Variants in ANKRD17 observed in about 807,000 individuals in gnomAD.
The protein encoded by ANKRD17 is ankyrin repeat domain-containing protein 17.
Under a neutral mutation model 229.7 loss-of-function variants are expected in ANKRD17, and 19 were observed. The observed-to-expected ratio is 0.08, with a 90% CI of 0.06 to 0.12. The LOEUF is 0.12. Ranked by LOEUF, ANKRD17 falls within the 10% of genes least tolerant of loss-of-function variation. The pLI is 1.00. For missense variants in ANKRD17, 2,176 were observed against 3,176.8 expected (o/e 0.68, Z 7.57); for synonymous variants, 1,112 against 1,146.1 (o/e 0.97, Z 0.60).
intron 2 of ANKRD17, among the ~76,000 whole-genome samples, chr4:73,174,093 AGAAGGAAGGAAGGAAGGAAGGAAG>A (rs71217453): frequency 1.1e-4 from 12 of 111,304 alleles, no homozygotes; most frequent in Non-Finnish European, 1.9e-4. Flanking sequence ...AAGGGAGGGG[AGAAGGAAGGAAGGAAGGAAGGAAG>A]GAAGGAAGGA....
intron 1 of ANKRD17, among the ~76,000 whole-genome samples, chr4:73,244,438 T>A (rs1264595577): frequency 2.0e-5 from 3 of 152,154 alleles, no homozygotes; most frequent in African/African-American, 4.8e-5. Context: ...ACTAGCTACA[T>A]GTAATATTTA....
intron 1 of ANKRD17, among the ~76,000 whole-genome samples, chr4:73,242,843 C>A (rs1744166620): frequency 6.6e-6 from 1 of 152,160 alleles, no homozygotes; most frequent in Admixed American, 6.5e-5. Flanking sequence ...AAGAAACAGA[C>A]ATAAGAGTTT....
intron 1 of ANKRD17, among the ~76,000 whole-genome samples, chr4:73,205,852 G>A (rs1251278419): frequency 6.6e-6 from 1 of 152,124 alleles, no homozygotes; most frequent in Non-Finnish European, 1.5e-5. Flanking sequence ...CTGATTAGGG[G>A]TTAATGCCAA....
At chr4:73,132,662 C>T (rs761734117) in intron 16 of ANKRD17, among the ~76,000 whole-genome samples, 1 of 151,946 alleles carries the variant, frequency 6.6e-6, no homozygotes, top group South Asian at 2.1e-4. Context: ...AGCATGTCTA[C>T]TATGTTTAAA....
intron 19 of ANKRD17, 96 bp from the exon 20 acceptor site, chr4:73,121,190 T>A (rs747374021): frequency 9.1e-7 from 1 of 1,095,374 alleles, no homozygotes; most frequent in Admixed American, 1.9e-5. Context: ...TAAGATTATT[T>A]TGAAGGATTG....
intron 1 of ANKRD17, among the ~76,000 whole-genome samples, chr4:73,185,745 A>G (rs898078423): frequency 6.6e-6 from 1 of 152,104 alleles, no homozygotes; most frequent in Non-Finnish European, 1.5e-5. Flanking sequence ...GATGAATTAT[A>G]TAACTCATAC....
intron 3 of ANKRD17, 66 bp from the exon 4 acceptor site, chr4:73,156,232 T>C (rs903054248): frequency 9.4e-6 from 14 of 1,489,222 alleles, no homozygotes; most frequent in African/African-American, 5.7e-5. Flanking sequence ...AGCATAAATA[T>C]TGTTTTTGAT....
At chr4:73,219,865 C>T (rs150852497) in intron 1 of ANKRD17, among the ~76,000 whole-genome samples, 2 of 152,126 alleles carry the variant, frequency 1.3e-5, no homozygotes, top group East Asian at 3.9e-4. Flanking sequence ...ATACTATACC[C>T]AGAACAATCT....
chr4:73,117,177 G>T (rs1726076522), intron 22 of ANKRD17, among the ~76,000 whole-genome samples: 1 of 152,134 alleles, frequency 6.6e-6, no homozygotes, highest in South Asian at 2.1e-4. Context: ...TGGTAGGAGA[G>T]ACTTCAACTA....
At chr4:73,141,961 CA>C in intron 13 of ANKRD17, 118 bp from the exon 14 acceptor site, 1 of 896,824 alleles carries the variant, frequency 1.1e-6, no homozygotes, top group Non-Finnish European at 1.6e-6. Flanking sequence ...TCATCTTAGA[CA>C]ATGACATATT....
At position 73,091,365 on chromosome 4, in the gene ANKRD17, G is replaced by A. The variant is rs777454381; in HGVS notation, c.6263C>T (p.Thr2088Ile). ...EAGSPPVVET[T>I]NTRPPNSSSS... ...GCTGCTGTTTGGAGGTCTAGTGTTT[G>A]TTGTTTCTACTACTGGTGGACTACC... is the stretch of plus-strand genomic sequence containing the variant. Residue 2088 changes from threonine (T) to isoleucine (I), a missense_variant, in exon 29 of 34, where the codon ACA (threonine) becomes ATA (isoleucine). Thr to Ile is a moderately conservative substitution (Grantham distance 89). Transcript: ENST00000358602. The A allele has an allele frequency of 5.6e-6, 9 of 1,614,102 alleles. No individual in the cohort carries two copies. The East Asian group carries it at 1.8e-4, about 32-fold the overall frequency.
intron 20 of ANKRD17, 43 bp from the exon 21 acceptor site, chr4:73,120,380 TG>T: frequency 6.4e-7 from 1 of 1,557,662 alleles, no homozygotes; most frequent in Middle Eastern, 1.7e-4. Flanking sequence ...CGTAAGAGAC[TG>T]GAAAGATCTA....
At chr4:73,171,634 A>G (rs1448433920) in intron 2 of ANKRD17, among the ~76,000 whole-genome samples, 2 of 152,174 alleles carry the variant, frequency 1.3e-5, no homozygotes, top group Non-Finnish European at 2.9e-5. Flanking sequence ...AAAAATCAAA[A>G]CAGTATTGAG....
intron 24 of ANKRD17, chr4:73,112,651 T>C (rs1449120907): frequency 1.2e-5 from 8 of 662,314 alleles, no homozygotes; most frequent in Non-Finnish European, 1.3e-5. Context: ...AATGTAGAAC[T>C]TAATAAAGAA....
chr4:73,236,573 T>C (rs1743530695), intron 1 of ANKRD17, among the ~76,000 whole-genome samples: 1 of 152,154 alleles, frequency 6.6e-6, no homozygotes, highest in Non-Finnish European at 1.5e-5. Flanking sequence ...TAAGTAAATG[T>C]TGGAGGAGAA....
At chr4:73,124,656 G>A (rs1727201859) in intron 18 of ANKRD17, among the ~76,000 whole-genome samples, 1 of 152,130 alleles carries the variant, frequency 6.6e-6, no homozygotes, top group Non-Finnish European at 1.5e-5. Context: ...GATTTGACTT[G>A]GAATAGTCTT....
rs147199988 is a variant in ANKRD17 at position 73,140,995 on chromosome 4, A to G, written c.2333-712T>C. Among the ~76,000 whole-genome samples the G allele has an allele frequency of 2.8e-4, 43 of 152,334 alleles. 1 individual carries two copies. In the East Asian group the frequency reaches 7.7e-3, roughly 27 times the overall value. On this transcript the variant is annotated intron_variant, in intron 14 of 33. Coordinates refer to ENST00000358602, the MANE Select transcript of ANKRD17 (RefSeq NM_032217.5). Reference sequence around the variant, plus strand: ...GATCTGGCTATAGGTATAGCAATCAATTGTTTGCTATACCAACTGAAAAAG... The same window carrying G: ...GATCTGGCTATAGGTATAGCAATCAGTTGTTTGCTATACCAACTGAAAAAG...
Position 73,139,729 on chromosome 4 carries a change from G to T in ANKRD17, c.2887C>A (p.Pro963Thr). The change falls in exon 15 of 34, where the codon CCT (proline) becomes ACT (threonine). Residue 963 changes from proline (P) to threonine (T), a missense_variant. Coordinates refer to ENST00000358602, the MANE Select transcript of ANKRD17 (RefSeq NM_032217.5). ...IQPLAMPQAL[P>T]LAAGPLPPGS... Reference sequence around the variant, plus strand: ...GGAGGCAAGGGACCTGCCGCCAGAGGCAAAGCTTGAGGCATCGCCAGAGGC... The same window carrying T: ...GGAGGCAAGGGACCTGCCGCCAGAGTCAAAGCTTGAGGCATCGCCAGAGGC... 1 of 1,614,182 alleles carries T rather than the reference G, an allele frequency of 6.2e-7. No individual in the cohort carries two copies. Among genetic ancestry groups the T allele is most frequent in the Non-Finnish European group, 8.5e-7 (1 of 1,180,026 alleles).
chr4:73,085,366 C>T lies in ANKRD17; in HGVS notation c.7042G>A (p.Gly2348Arg). 1 of 1,614,082 alleles carries T rather than the reference C, an allele frequency of 6.2e-7. No homozygotes were observed. The highest frequency in any genetic ancestry group is 8.5e-7 in the Non-Finnish European group (1 of 1,180,006). Residue 2348 changes from glycine to arginine, a missense_variant, in exon 30 of 34, where the codon GGA becomes AGA. Gly to Arg is a moderately radical substitution (Grantham distance 125, BLOSUM62 -2). Transcript: ENST00000358602. ...HLGNFASNIS[G>R]GQMYGPGAPL... ...GCCCCAGGTCCGTACATCTGACCTC[C>T]TGAAATGTTTGAAGCAAAGTTTCCC...
Sources: gnomAD v4.1 joint callset for allele counts (sites outside exome capture counted in the v4.1 genomes callset) on GRCh38, gnomAD v4.1.1 for gene constraint, MANE v1.5 for transcripts, NCBI Gene and HGNC (gene_info 2026-07-23, HGNC 2026-07-21) for gene names.